LMLN: variants seen among roughly 807,000 people sequenced by gnomAD.
LMLN encodes the protein leishmanolysin-like peptidase.
LMLN carries 70 observed loss-of-function variants against 92.3 expected under a neutral mutation model. The observed-to-expected ratio is 0.76, with a 90% CI of 0.63 to 0.92. LMLN has a LOEUF of 0.92. LMLN is among the 40% of genes least tolerant of loss of function. LMLN has a pLI of 0.00. For missense variants in LMLN, 691 were observed against 814.6 expected (o/e 0.85, Z 1.85); for synonymous variants, 308 against 296.2 (o/e 1.04, Z -0.41).
chr3:198,013,331 C>T (rs138894959), intron 11 of LMLN, among the ~76,000 whole-genome samples: 1,755 of 42,448 alleles, frequency 0.041, 78 homozygotes, highest in African/African-American at 0.15. Context: ...CAGAGCCCCC[C>T]AACTAGTCTG....
chr3:198,015,921 C>T (rs948743351), intron 11 of LMLN, among the ~76,000 whole-genome samples: 2 of 151,990 alleles, frequency 1.3e-5, no homozygotes, highest in Non-Finnish European at 2.9e-5. Flanking sequence ...CCTGGTGGGC[C>T]GGGTGTGGTG....
intron 14 of LMLN, among the ~76,000 whole-genome samples, chr3:198,029,260 CCTAA>C (rs776550952): frequency 7.9e-5 from 12 of 152,204 alleles, no homozygotes; most frequent in Non-Finnish European, 1.5e-4. Context: ...TTCACAGTTT[CCTAA>C]CTAATTTCCC....
intron 11 of LMLN, among the ~76,000 whole-genome samples, chr3:198,001,721 G>T (rs1356126884): frequency 1.3e-5 from 2 of 152,234 alleles, no homozygotes; most frequent in African/African-American, 4.8e-5. Flanking sequence ...AGTTTTGGAA[G>T]ATGCTACATT....
intron 15 of LMLN, chr3:198,038,250 G>A: frequency 3.6e-6 from 1 of 280,706 alleles, no homozygotes; most frequent in East Asian, 8.1e-5. Flanking sequence ...AAGAATAAAA[G>A]AAGAAAGTTC....
chr3:198,023,839 G>A (rs1722846589), intron 13 of LMLN, among the ~76,000 whole-genome samples: 1 of 152,158 alleles, frequency 6.6e-6, no homozygotes, highest in Non-Finnish European at 1.5e-5. Flanking sequence ...TTGTGGTTTT[G>A]CCGTTAAAGT....
intron 2 of LMLN, 100 bp from the exon 3 acceptor site, chr3:197,974,942 G>T: frequency 1.3e-6 from 1 of 772,142 alleles, no homozygotes; most frequent in Non-Finnish European, 2.3e-6. Flanking sequence ...GGCAGAGCAG[G>T]CCCAAGGCCT....
At chr3:198,036,145 T>G in intron 15 of LMLN, 102 bp downstream of exon 16, 1 of 1,038,718 alleles carries the variant, frequency 9.6e-7, no homozygotes, top group Admixed American at 2.1e-5. Context: ...TAAAACAAGT[T>G]GAGTTTCTTC....
exon 16 of LMLN, chr3:198,043,119 A>G (rs1723456397): frequency 6.6e-6 from 1 of 152,240 alleles, no homozygotes; most frequent in Non-Finnish European, 1.5e-5. Context: ...TATTTCATAA[A>G]GTTGTATCAA....
intron 14 of LMLN, among the ~76,000 whole-genome samples, chr3:198,033,804 G>A (rs777291506): frequency 6.6e-6 from 1 of 152,342 alleles, no homozygotes; most frequent in Admixed American, 6.5e-5. Flanking sequence ...CGCCAAGCAC[G>A]GCGCTTGATC....
intron 8 of LMLN, 112 bp downstream of exon 8, chr3:197,986,002 C>G: frequency 3.0e-6 from 2 of 658,222 alleles, no homozygotes; most frequent in East Asian, 2.6e-5. Context: ...CATGGCAAAC[C>G]TAAGGAAATT....
intron 14 of LMLN, among the ~76,000 whole-genome samples, chr3:198,029,060 C>T (rs958474113): frequency 5.9e-5 from 9 of 152,306 alleles, no homozygotes; most frequent in African/African-American, 1.4e-4. Context: ...CTCTCAACAA[C>T]GCTGCATTTC....
intron 8 of LMLN, among the ~76,000 whole-genome samples, chr3:197,989,227 C>T (rs146778946): frequency 1.6e-3 from 238 of 152,264 alleles, no homozygotes; most frequent in African/African-American, 5.3e-3. Context: ...CCTGTTTCTA[C>T]GGAGATTCAT....
intron 1 of LMLN, among the ~76,000 whole-genome samples, chr3:197,964,293 A>G (rs1010627922): frequency 2.6e-5 from 4 of 152,136 alleles, no homozygotes; most frequent in Non-Finnish European, 5.9e-5. Flanking sequence ...TCTAATGTAA[A>G]CATTCAAAGA....
At chr3:197,997,302 T>C (rs1722054426) in intron 10 of LMLN, among the ~76,000 whole-genome samples, 1 of 151,968 alleles carries the variant, frequency 6.6e-6, no homozygotes, top group Non-Finnish European at 1.5e-5. Flanking sequence ...GCTAATTTTC[T>C]TTTTGTTCTT....
rs1722911587 is a variant in LMLN at position 198,025,608 on chromosome 3, A to G, written c.1656+820A>G. Reference sequence around the variant, plus strand: ...TAGATTAGAACTTCGGGGCCCAAGCAATCCTCTTGCCTTGGCCTCCCAAAG... The same window carrying G: ...TAGATTAGAACTTCGGGGCCCAAGCGATCCTCTTGCCTTGGCCTCCCAAAG... On this transcript the variant is annotated intron_variant, in intron 14 of 15. Coordinates refer to ENST00000330198, the Ensembl canonical transcript of LMLN. This position sits in a 1 kb window ranked among gnomAD's most constrained non-coding sequence, Gnocchi z 4.3. Among the ~76,000 whole-genome samples the G allele has an allele frequency of 6.6e-6, 1 of 152,190 alleles. No homozygotes were observed. The highest frequency in any genetic ancestry group is 1.9e-4 in the East Asian group (1 of 5,188).
At chr3:198,028,908 G>C (rs1485188031) in intron 14 of LMLN, among the ~76,000 whole-genome samples, 3 of 152,192 alleles carry the variant, frequency 2.0e-5, no homozygotes, top group African/African-American at 7.2e-5. Flanking sequence ...CTGTTCTGTG[G>C]TGTGTATTAA....
At chr3:197,996,951 C>G (rs1294328584) in intron 10 of LMLN, among the ~76,000 whole-genome samples, 1 of 152,054 alleles carries the variant, frequency 6.6e-6, no homozygotes, top group Non-Finnish European at 1.5e-5. Flanking sequence ...CCAGCCTACT[C>G]TAGTCTGTGT....
intron 6 of LMLN, 69 bp downstream of exon 6, chr3:197,980,573 A>C: frequency 6.9e-7 from 1 of 1,440,778 alleles, no homozygotes; most frequent in Non-Finnish European, 9.6e-7. Context: ...CTGTATTTTT[A>C]GTGTTAAGAT....
intron 1 of LMLN, among the ~76,000 whole-genome samples, chr3:197,968,283 G>A (rs10881555): frequency 0.063 from 9,619 of 151,802 alleles, 379 homozygotes; most frequent in East Asian, 0.098. Flanking sequence ...TGGCTAACAC[G>A]GTGAAACCCC....
Sources: allele counts gnomAD v4.1 joint callset (sites outside exome capture counted in the v4.1 genomes callset), GRCh38; gene constraint gnomAD v4.1.1; non-coding constraint Gnocchi (gnomAD v3.1); transcripts MANE v1.5; gene names NCBI Gene and HGNC (gene_info 2026-07-23, HGNC 2026-07-21).